The following MRPL1 variants were observed in gnomAD, a reference collection of about 807,000 sequenced individuals.
MRPL1 encodes the protein mitochondrial ribosomal protein L1.
A neutral mutation model predicts 38.0 loss-of-function variants in MRPL1; 28 were observed. The observed-to-expected ratio is 0.74, with a 90% CI of 0.55 to 1.01. MRPL1 has a LOEUF of 1.01. Ranked by LOEUF, MRPL1 falls within the 50% of genes least tolerant of loss-of-function variation. MRPL1 has a pLI of 0.00. For missense variants in MRPL1, 358 were observed against 389.8 expected (o/e 0.92, Z 0.69); for synonymous variants, 123 against 126.7 (o/e 0.97, Z 0.20).
intron 6 of MRPL1, among the ~76,000 whole-genome samples, chr4:77,902,327 T>C (rs536435996): frequency 7.4e-4 from 112 of 151,440 alleles, no homozygotes; most frequent in Non-Finnish European, 1.3e-3. Flanking sequence ...TGCTCTATGA[T>C]TGTGCCTGTG....
At chr4:77,928,868 C>T (rs1736780810) in intron 7 of MRPL1, among the ~76,000 whole-genome samples, 1 of 151,922 alleles carries the variant, frequency 6.6e-6, no homozygotes, top group Admixed American at 6.6e-5. Context: ...TTTAATTTCC[C>T]AGAAGTTTTG....
At chr4:77,934,687 A>C (rs566863155) in intron 7 of MRPL1, among the ~76,000 whole-genome samples, 1 of 152,236 alleles carries the variant, frequency 6.6e-6, no homozygotes, top group Non-Finnish European at 1.5e-5. Flanking sequence ...TTCTAGATAC[A>C]TACTGAAAAG....
chr4:77,924,063 T>C (rs1015068950), intron 7 of MRPL1, among the ~76,000 whole-genome samples: 22 of 152,110 alleles, frequency 1.4e-4, no homozygotes, highest in Non-Finnish European at 1.0e-4. Context: ...GAGTTTTTTT[T>C]CCCTATTCTT....
chr4:77,917,428 G>A (rs983997169), intron 7 of MRPL1, among the ~76,000 whole-genome samples: 3 of 151,996 alleles, frequency 2.0e-5, no homozygotes, highest in African/African-American at 4.8e-5. Context: ...AAAGGGGACC[G>A]GTTTTTCTGA....
At chr4:77,935,991 T>A (rs920578665) in intron 7 of MRPL1, among the ~76,000 whole-genome samples, 1 of 152,090 alleles carries the variant, frequency 6.6e-6, no homozygotes, top group Non-Finnish European at 1.5e-5. Context: ...AGGGCTAGTT[T>A]AAATAATTTT....
chr4:77,892,000 A>G (rs959743450), intron 5 of MRPL1, among the ~76,000 whole-genome samples: 3 of 152,220 alleles, frequency 2.0e-5, no homozygotes, highest in Non-Finnish European at 2.9e-5. Flanking sequence ...TTATGAGGTA[A>G]ATTCAATACA....
chr4:77,872,320 TTTAAA>T (rs1003018626), intron 2 of MRPL1, among the ~76,000 whole-genome samples: 20 of 152,348 alleles, frequency 1.3e-4, no homozygotes, highest in Admixed American at 5.2e-4. Flanking sequence ...CTTTCTGTCC[TTTAAA>T]TTATATTTTT....
At chr4:77,890,987 C>A (rs1349230611) in intron 5 of MRPL1, among the ~76,000 whole-genome samples, 1 of 151,954 alleles carries the variant, frequency 6.6e-6, no homozygotes, top group Non-Finnish European at 1.5e-5. Flanking sequence ...TTTTTTCCCA[C>A]CCCTAAAAGT....
At chr4:77,868,823 T>A (rs996133054) in intron 1 of MRPL1, among the ~76,000 whole-genome samples, 1 of 152,188 alleles carries the variant, frequency 6.6e-6, no homozygotes, top group Admixed American at 6.5e-5. Flanking sequence ...ATGGTGAACA[T>A]GAGGGAGAGT....
chr4:77,952,133 A>C (rs1391579319), intron 8 of MRPL1, among the ~76,000 whole-genome samples: 1 of 152,196 alleles, frequency 6.6e-6, no homozygotes, highest in Non-Finnish European at 1.5e-5. Flanking sequence ...TCTTTGATTT[A>C]AGTCACCACC....
At chr4:77,873,975 A>G (rs919997242) in intron 2 of MRPL1, among the ~76,000 whole-genome samples, 8 of 149,766 alleles carry the variant, frequency 5.3e-5, no homozygotes, top group Admixed American at 6.7e-5. Context: ...GTAGTGTACT[A>G]TGTACCCTGT....
At position 77,949,839 on chromosome 4, in the gene MRPL1, G is replaced by A. The variant is rs551336948; in HGVS notation, c.820G>A (p.Val274Ile). Residue 274 changes from valine (V) to isoleucine (I), a missense_variant, in exon 8 of 9, where the codon GTT (valine) becomes ATT (isoleucine). By Grantham distance (29) the Val-to-Ile change is conservative. Coordinates refer to ENST00000315567, the MANE Select transcript of MRPL1 (RefSeq NM_020236.4). ...CCAGATAGCTGCCAATCTGCAAGCA[G>A]TTATTAATGAAGTTTGTAGGCACAG... ...SDQIAANLQA[V>I]INEVCRHRPL... is the part of the protein sequence containing the mutation. 1 of 1,611,566 alleles carries A rather than the reference G, an allele frequency of 6.2e-7. No individual in the cohort carries two copies. Among genetic ancestry groups the A allele is most frequent in the African/African-American group, 1.3e-5 (1 of 74,970 alleles).
At position 77,883,292 on chromosome 4, in the gene MRPL1, A is replaced by C; in HGVS notation, c.194A>C (p.Lys65Thr). The C allele has an allele frequency of 6.2e-7, 1 of 1,600,576 alleles. No homozygotes were observed. The highest frequency in any genetic ancestry group is 8.5e-7 in the Non-Finnish European group (1 of 1,176,366). The change falls in exon 3 of 9, where the codon AAA becomes ACA. Residue 65 changes from lysine to threonine, a missense_variant. Transcript: ENST00000315567. ...KGAKEKTPDE[K>T]KDEIEKIKAY... ...GCTAAAGAAAAAACACCAGATGAGA[A>C]AAAAGATGAAATAGAAAAAATAAAA...
At chr4:77,937,115 A>C (rs979592167) in intron 7 of MRPL1, among the ~76,000 whole-genome samples, 4 of 151,964 alleles carry the variant, frequency 2.6e-5, no homozygotes, top group African/African-American at 9.7e-5. Context: ...ACAGAGTAAA[A>C]TGCTGTCTCA....
At chr4:77,951,731 C>A (rs1333214687) in intron 8 of MRPL1, among the ~76,000 whole-genome samples, 1 of 152,158 alleles carries the variant, frequency 6.6e-6, no homozygotes, top group East Asian at 1.9e-4. Flanking sequence ...TCTCTGGGTA[C>A]TTCGGTTTCC....
At chr4:77,886,784 ATTTTC>A (rs1735685571) in intron 4 of MRPL1, among the ~76,000 whole-genome samples, 1 of 92,874 alleles carries the variant, frequency 1.1e-5, no homozygotes, top group African/African-American at 3.9e-5. Context: ...CCTGGTTTGC[ATTTTC>A]TTTTTTTTTT....
In MRPL1 at chr4:77,894,135, TCAG is replaced by T. The variant is rs1578045574; in HGVS notation, c.559-3_559-1del. ...GAGGTCACCTTTTTTTTTTTAATTT[TCAG>T]ATTTGGGATGATGAAATTGTTGCAG... is the stretch of plus-strand genomic sequence containing the variant. On this transcript the variant is annotated splice_acceptor_variant and splice_polypyrimidine_tract_variant and intron_variant, in intron 5 of 8. Coordinates refer to ENST00000315567, the MANE Select transcript of MRPL1 (RefSeq NM_020236.4). LOFTEE classifies it high-confidence loss of function. The T allele has an allele frequency of 1.3e-6, 2 of 1,559,972 alleles. No homozygotes were observed. The highest frequency in any genetic ancestry group is 1.8e-5 in the Admixed American group (1 of 54,588).
chr4:77,925,559 T>A (rs894974795), intron 7 of MRPL1, among the ~76,000 whole-genome samples: 2 of 151,998 alleles, frequency 1.3e-5, no homozygotes, highest in Non-Finnish European at 2.9e-5. Flanking sequence ...TGGTACTTTT[T>A]AAATTTGTAG....
intron 7 of MRPL1, among the ~76,000 whole-genome samples, chr4:77,925,503 G>C (rs550445554): frequency 5.9e-5 from 9 of 151,724 alleles, no homozygotes; most frequent in South Asian, 4.2e-4. Context: ...CACTATGCCC[G>C]GCTAAGTACT....
Sources: allele counts gnomAD v4.1 joint callset (sites outside exome capture counted in the v4.1 genomes callset), GRCh38; gene constraint gnomAD v4.1.1; transcripts MANE v1.5; gene names NCBI Gene and HGNC (gene_info 2026-07-23, HGNC 2026-07-21).